The following ANKRD11 variants were observed in gnomAD, a reference collection of about 807,000 sequenced individuals.
ANKRD11 encodes the protein ankyrin repeat domain 11.
In ANKRD11, 17 loss-of-function variants were observed where a neutral mutation model predicts 195.7. The ratio of observed to expected loss-of-function variants is 0.09; its 90% CI spans 0.06 to 0.13. ANKRD11 has a LOEUF of 0.13. Ranked by LOEUF, ANKRD11 falls within the 10% of genes least tolerant of loss-of-function variation. The pLI is 1.00. For synonymous variants in ANKRD11, 1,953 were observed against 1,528.1 expected (o/e 1.28, Z -6.49); for missense variants, 3,735 against 3,566.1 (o/e 1.05, Z -1.21).
At chr16:89,432,137 AG>A (rs1420866095) in intron 1 of ANKRD11, among the ~76,000 whole-genome samples, 2 of 151,970 alleles carry the variant, frequency 1.3e-5, no homozygotes, top group African/African-American at 4.8e-5. Context: ...TGCTAAGGGG[AG>A]AATTTGCCAC....
chr16:89,286,296 C>A, intron 7 of ANKRD11, 110 bp from the exon 8 acceptor site: 5 of 1,471,710 alleles, frequency 3.4e-6, no homozygotes, highest in Non-Finnish European at 4.7e-6. Context: ...GACCCGAGAG[C>A]AGCCCCTCAC....
chr16:89,388,012 C>CAAAA, intron 2 of ANKRD11, among the ~76,000 whole-genome samples: 1 of 94,006 alleles, frequency 1.1e-5, no homozygotes, highest in Admixed American at 1.1e-4. Flanking sequence ...GACTCCATCT[C>CAAAA]AAAAAAAAAA....
intron 2 of ANKRD11, among the ~76,000 whole-genome samples, chr16:89,371,612 C>G (rs992140736): frequency 3.9e-5 from 6 of 152,168 alleles, no homozygotes; most frequent in African/African-American, 1.4e-4. Flanking sequence ...GGGTGCTGTG[C>G]ACTCCCTGCC....
intron 2 of ANKRD11, among the ~76,000 whole-genome samples, chr16:89,319,104 T>C (rs1046570863): frequency 3.3e-5 from 5 of 152,346 alleles, no homozygotes; most frequent in Admixed American, 1.3e-4. Flanking sequence ...CCAGACTGTC[T>C]GCTCTCAGGA....
intron 2 of ANKRD11, among the ~76,000 whole-genome samples, chr16:89,355,819 G>C (rs960333443): frequency 6.6e-6 from 1 of 152,176 alleles, no homozygotes; most frequent in African/African-American, 2.4e-5. Context: ...CACGGCAAGG[G>C]TCTGTGGCTC....
At chr16:89,424,951 T>C (rs775002523) in intron 1 of ANKRD11, among the ~76,000 whole-genome samples, 1 of 152,068 alleles carries the variant, frequency 6.6e-6, no homozygotes, top group Non-Finnish European at 1.5e-5. Context: ...CGTGTCCACA[T>C]CCTGGCTGTG....
chr16:89,423,788 TA>T (rs1397554025), intron 1 of ANKRD11, among the ~76,000 whole-genome samples: 4 of 152,156 alleles, frequency 2.6e-5, no homozygotes, highest in African/African-American at 9.7e-5. Flanking sequence ...CCAGGCATGA[TA>T]AATCTACGCA....
chr16:89,432,406 G>A (rs943775245), intron 1 of ANKRD11, among the ~76,000 whole-genome samples: 1 of 152,070 alleles, frequency 6.6e-6, no homozygotes, highest in African/African-American at 2.4e-5. Context: ...CCGCCTCCCA[G>A]AGCCCGTGGC....
At chr16:89,286,236 C>T (rs762738721) in intron 7 of ANKRD11, 50 bp from the exon 8 acceptor site, 1 of 1,604,146 alleles carries the variant, frequency 6.2e-7, no homozygotes, top group Non-Finnish European at 8.5e-7. Context: ...AGCACAACTC[C>T]TCTACCGTTC....
intron 4 of ANKRD11, among the ~76,000 whole-genome samples, chr16:89,302,026 T>C (rs896900247): frequency 2.6e-5 from 4 of 152,174 alleles, no homozygotes; most frequent in African/African-American, 7.2e-5. Flanking sequence ...CAGAGAGGCC[T>C]GACTGCTGGG....
At chr16:89,430,535 C>G (rs1045340799) in intron 1 of ANKRD11, among the ~76,000 whole-genome samples, 3 of 151,816 alleles carry the variant, frequency 2.0e-5, no homozygotes, top group African/African-American at 7.3e-5. Flanking sequence ...CTCTCACGCT[C>G]AGACGTTCTA....
chr16:89,454,592 G>A (rs974264094), intron 1 of ANKRD11, among the ~76,000 whole-genome samples: 4 of 151,814 alleles, frequency 2.6e-5, no homozygotes, highest in South Asian at 4.2e-4. Flanking sequence ...CCACTGCTAC[G>A]GTTCCTCAAG....
chr16:89,487,428 A>C (rs1466242960), intron 1 of ANKRD11, among the ~76,000 whole-genome samples: 3 of 152,138 alleles, frequency 2.0e-5, no homozygotes, highest in Non-Finnish European at 4.4e-5. Flanking sequence ...GCAAAATAAG[A>C]CTCCTCTTAT....
At position 89,291,264 on chromosome 16, in the gene ANKRD11, C is replaced by T. The variant is rs993350402; in HGVS notation, c.227-81G>A. ...AAAGCTAGGTCCTTACCTAATGTTA[C>T]GGAGCCCCCTGCGTCCACCTGACAG... On this transcript the variant is annotated intron_variant, in intron 4 of 12. Transcript: ENST00000301030. The surrounding 1 kb of genome is among the most constrained non-coding windows in gnomAD (Gnocchi z 5.3). 10 of 1,547,284 alleles carry T rather than the reference C, an allele frequency of 6.5e-6. No homozygotes were observed. The highest frequency in any genetic ancestry group is 4.6e-5 in the East Asian group (2 of 43,708).
At chr16:89,486,342 G>C (rs1290771903) in intron 1 of ANKRD11, among the ~76,000 whole-genome samples, 2 of 151,906 alleles carry the variant, frequency 1.3e-5, no homozygotes, top group Non-Finnish European at 2.9e-5. Flanking sequence ...TCAGGAGTCT[G>C]AGGTGGGAGG....
rs745963085 is a variant in ANKRD11 at position 89,282,806 on chromosome 16, GCTT to G, written c.3733_3735del (p.Lys1245del). The G allele has an allele frequency of 6.2e-6, 10 of 1,611,006 alleles. No homozygotes were observed. The Admixed American group carries it at 1.2e-4, about 19-fold the overall frequency. ...CTTTTAGCCTTGTCTTCGGCAGCGT[GCTT>G]CTTTTCAGCCTTCTCGGGGAGCTTC... is the stretch of plus-strand genomic sequence containing the variant. On this transcript the variant is annotated inframe_deletion, in exon 9 of 13. Coordinates refer to ENST00000301030, the MANE Select transcript of ANKRD11 (RefSeq NM_013275.6).
rs141241696 is a variant in ANKRD11 at position 89,375,206 on chromosome 16, G to A, written c.-60+43078C>T. Among the ~76,000 whole-genome samples the A allele has an allele frequency of 2.9e-3, 441 of 152,152 alleles. 3 individuals are homozygous for A. Among genetic ancestry groups the A allele is most frequent in the African/African-American group, 9.9e-3 (410 of 41,504 alleles). On this transcript the variant is annotated intron_variant, in intron 2 of 12. Transcript: ENST00000301030. ...CTACCGCGGTGAGCTCAAGTGTGTC[G>A]GTATCCGCTTAAAACACCGTGTGAC...
At chr16:89,380,815 T>C (rs1389954284) in intron 2 of ANKRD11, among the ~76,000 whole-genome samples, 1 of 152,180 alleles carries the variant, frequency 6.6e-6, no homozygotes, top group Non-Finnish European at 1.5e-5. Flanking sequence ...GCACTGGGGC[T>C]TATGGGAGGA....
chr16:89,321,463 G>T, intron 2 of ANKRD11, among the ~76,000 whole-genome samples: 1 of 150,730 alleles, frequency 6.6e-6, no homozygotes, highest in Admixed American at 6.6e-5. Context: ...GAGCTGCGGG[G>T]CGGGGACTGT....
Sources: gnomAD v4.1 joint callset for allele counts (sites outside exome capture counted in the v4.1 genomes callset) on GRCh38, gnomAD v4.1.1 for gene constraint, Gnocchi (gnomAD v3.1) non-coding constraint, MANE v1.5 for transcripts, NCBI Gene and HGNC (gene_info 2026-07-23, HGNC 2026-07-21) for gene names.